Variants in SMYD3 observed in about 807,000 individuals in gnomAD.
SMYD3 encodes SET and MYND domain containing 3.
SMYD3 carries 36 observed loss-of-function variants against 57.7 expected under a neutral mutation model. The observed-to-expected ratio is 0.62, with a 90% CI of 0.48 to 0.82. The LOEUF is 0.82. Among genes scored for constraint, SMYD3 ranks in the 40% least tolerant of loss-of-function variants. The pLI, the probability that SMYD3 is intolerant of heterozygous loss-of-function variation, is 0.00. For missense variants in SMYD3, 515 were observed against 538.8 expected (o/e 0.96, Z 0.44); for synonymous variants, 211 against 195.0 (o/e 1.08, Z -0.68).
chr1:246,015,906 G>T (rs1411959991), intron 5 of SMYD3, among the ~76,000 whole-genome samples: 1 of 152,044 alleles, frequency 6.6e-6, no homozygotes, highest in African/African-American at 2.4e-5. Flanking sequence ...AATTTTGGGG[G>T]GTGTATACCT....
intron 5 of SMYD3, among the ~76,000 whole-genome samples, chr1:246,208,984 G>A (rs958357076): frequency 1.3e-5 from 2 of 152,058 alleles, no homozygotes; most frequent in South Asian, 2.1e-4. Flanking sequence ...TTTCGCTGTT[G>A]AGTATAGTCT....
At chr1:245,946,097 T>C (rs2057420039) in intron 5 of SMYD3, among the ~76,000 whole-genome samples, 1 of 152,186 alleles carries the variant, frequency 6.6e-6, no homozygotes. Context: ...CTGAACGTCC[T>C]GTACATGCAC....
At chr1:246,079,937 G>C (rs866760762) in intron 5 of SMYD3, among the ~76,000 whole-genome samples, 1 of 152,118 alleles carries the variant, frequency 6.6e-6, no homozygotes, top group Non-Finnish European at 1.5e-5. Flanking sequence ...ATTGAAAAAA[G>C]AATTGGAGAG....
intron 1 of SMYD3, among the ~76,000 whole-genome samples, chr1:246,382,104 C>T (rs6681459): frequency 0.43 from 57,332 of 131,808 alleles, 9,170 homozygotes; most frequent in Middle Eastern, 0.54. Context: ...CAGACCCCTC[C>T]AGCTGACACC....
At chr1:246,119,901 A>G (rs1490701197) in intron 5 of SMYD3, among the ~76,000 whole-genome samples, 1 of 152,194 alleles carries the variant, frequency 6.6e-6, no homozygotes, top group African/African-American at 2.4e-5. Context: ...AGATCCCTAT[A>G]ACAAAAGACA....
chr1:245,798,819 C>T (rs2047716425), intron 10 of SMYD3, among the ~76,000 whole-genome samples: 1 of 151,944 alleles, frequency 6.6e-6, no homozygotes, highest in South Asian at 2.1e-4. Flanking sequence ...TTTCTTCTTC[C>T]TCCCACTTTC....
At chr1:246,454,435 AC>A (rs901837905) in intron 1 of SMYD3, among the ~76,000 whole-genome samples, 2 of 152,216 alleles carry the variant, frequency 1.3e-5, no homozygotes, top group African/African-American at 4.8e-5. Flanking sequence ...CATAAGGCAA[AC>A]TAATAATGGG....
intron 5 of SMYD3, among the ~76,000 whole-genome samples, chr1:246,239,739 T>C (rs146483993): frequency 0.36 from 55,073 of 151,300 alleles, 10,938 homozygotes; most frequent in East Asian, 0.79. Context: ...TCTCCACATC[T>C]TCTCCAGCAC....
intron 5 of SMYD3, among the ~76,000 whole-genome samples, chr1:246,017,459 G>C (rs909663125): frequency 5.9e-5 from 9 of 152,110 alleles, no homozygotes; most frequent in Non-Finnish European, 1.0e-4. Flanking sequence ...ACTTTCATGA[G>C]CTTGACACTT....
chr1:246,481,772 GAT>G (rs1051298885), intron 1 of SMYD3, among the ~76,000 whole-genome samples: 24 of 137,560 alleles, frequency 1.7e-4, no homozygotes, highest in Non-Finnish European at 2.4e-4. Flanking sequence ...ATCCATAGAA[GAT>G]ATATATATAT....
intron 5 of SMYD3, among the ~76,000 whole-genome samples, chr1:246,006,803 G>A (rs1412154771): frequency 2.0e-5 from 3 of 152,052 alleles, no homozygotes; most frequent in East Asian, 1.9e-4. Flanking sequence ...TGTGCTTAAC[G>A]TAATCATGAA....
chr1:245,790,491 T>A (rs1044935424), intron 10 of SMYD3, among the ~76,000 whole-genome samples: 3 of 152,218 alleles, frequency 2.0e-5, no homozygotes, highest in Non-Finnish European at 4.4e-5. Flanking sequence ...GAGGGCAGCA[T>A]CTGCACCTTG....
intron 5 of SMYD3, among the ~76,000 whole-genome samples, chr1:245,954,840 C>G (rs968938882): frequency 3.9e-5 from 6 of 152,238 alleles, no homozygotes; most frequent in Non-Finnish European, 8.8e-5. Context: ...CCAAGTCAAT[C>G]TCTCTGGTCC....
intron 5 of SMYD3, among the ~76,000 whole-genome samples, chr1:246,270,780 G>A (rs2064205236): frequency 6.6e-6 from 1 of 152,120 alleles, no homozygotes; most frequent in Non-Finnish European, 1.5e-5. Context: ...TATGAACACT[G>A]GCATACAAAC....
At chr1:245,809,597 G>A (rs1487428489) in intron 10 of SMYD3, among the ~76,000 whole-genome samples, 1 of 152,240 alleles carries the variant, frequency 6.6e-6, no homozygotes, top group African/African-American at 2.4e-5. Context: ...GGAGTGCAAC[G>A]TCAGGAAGGC....
rs779857599 is a variant in SMYD3, at chr1:246,507,140, G to A, written c.78C>T (p.Pro26=). The A allele has an allele frequency of 7.2e-6, 11 of 1,533,902 alleles. No homozygotes were observed. The highest frequency in any genetic ancestry group is 8.8e-6 in the Non-Finnish European group (10 of 1,140,356). Reference sequence around the variant, plus strand: ...GATCCGAGCGGAAGAGTAGCTCTCCGGGGCGCAGCGGGGTCACGGCGCGCA... The same window carrying A: ...GATCCGAGCGGAAGAGTAGCTCTCCAGGGCGCAGCGGGGTCACGGCGCGCA... ...NGLRAVTPLR[P]GELLFRSDPL... The change falls in exon 1 of 12, where the codon CCC becomes CCT. Residue 26 remains proline (P), a synonymous_variant. Transcript: ENST00000490107.
intron 8 of SMYD3, among the ~76,000 whole-genome samples, chr1:245,883,520 C>A (rs186738249): frequency 1.3e-5 from 2 of 152,044 alleles, no homozygotes. Flanking sequence ...GGAAAAAAAC[C>A]CCAAAACATC....
chr1:246,386,481 C>T (rs564103671), intron 1 of SMYD3, among the ~76,000 whole-genome samples: 19 of 152,112 alleles, frequency 1.2e-4, no homozygotes, highest in Middle Eastern at 3.4e-3. Context: ...AACAAAGAGG[C>T]GCTAAAGTTG....
chr1:246,274,139 C>T (rs1194047045), intron 5 of SMYD3, among the ~76,000 whole-genome samples: 1 of 152,202 alleles, frequency 6.6e-6, no homozygotes, highest in Non-Finnish European at 1.5e-5. Flanking sequence ...GACACAGGGA[C>T]TCTAAAGCAA....
Sources: gnomAD v4.1 joint callset for allele counts (sites outside exome capture counted in the v4.1 genomes callset) on GRCh38, gnomAD v4.1.1 for gene constraint, MANE v1.5 for transcripts, NCBI Gene and HGNC (gene_info 2026-07-23, HGNC 2026-07-21) for gene names.